MVP: variants seen among roughly 807,000 people sequenced by gnomAD.
The protein encoded by MVP is lung resistance-related protein.
In MVP, 62 loss-of-function variants were observed where a neutral mutation model predicts 83.5. That is an observed-to-expected ratio of 0.74 (90% CI 0.61 to 0.92). The LOEUF (loss-of-function observed/expected upper bound fraction) is 0.92, where lower values mean the gene tolerates loss of function less well. MVP is among the 40% of genes least tolerant of loss of function. The pLI, the probability that MVP is intolerant of heterozygous loss-of-function variation, is 0.00. For synonymous variants in MVP, 505 were observed against 504.1 expected (o/e 1.00, Z -0.02); for missense variants, 1,000 against 1,203.4 (o/e 0.83, Z 2.50).
chr16:29,834,008 T>A lies in MVP; in HGVS notation c.519T>A (p.Ala173=). The A allele has an allele frequency of 6.2e-7, 1 of 1,614,026 alleles. No homozygotes were observed. The highest frequency in any genetic ancestry group is 1.3e-5 in the African/African-American group (1 of 75,010). The change falls in exon 5 of 15, where the codon GCT becomes GCA. Residue 173 remains alanine, a synonymous_variant. Transcript: ENST00000357402. ...IQATIIRQNQ[A]LRLRARKECW... ...CCACCATCATCAGGCAGAACCAGGC[T>A]CTGCGGCTCAGGGCCCGCAAGGAGT...
chr16:29,827,005 C>A (rs1264664111), intron 1 of MVP, among the ~76,000 whole-genome samples: 1 of 151,776 alleles, frequency 6.6e-6, no homozygotes, highest in Non-Finnish European at 1.5e-5. Flanking sequence ...AGAACAGAGC[C>A]CCGTATTGTG....
intron 1 of MVP, among the ~76,000 whole-genome samples, chr16:29,824,314 G>A (rs1395319135): frequency 6.7e-6 from 1 of 150,100 alleles, no homozygotes; most frequent in East Asian, 2.0e-4. Context: ...AGACTGTAAT[G>A]TGCATGCAAG....
intron 1 of MVP, among the ~76,000 whole-genome samples, chr16:29,824,237 A>C (rs898643830): frequency 2.7e-5 from 4 of 149,638 alleles, no homozygotes; most frequent in African/African-American, 7.6e-5. Flanking sequence ...AAAAAAAAAA[A>C]AAAACAGATT....
chr16:29,844,874 G>A lies in MVP; in HGVS notation c.2016G>A (p.Ala672=), dbSNP rs200362465. Residue 672 remains alanine, a synonymous_variant, in exon 11 of 15, where the codon GCG becomes GCA. Coordinates refer to ENST00000357402, the MANE Select transcript of MVP (RefSeq NM_005115.5). The part of the protein sequence containing the change: ...IEITTNSQEA[A]AKHEAQRLEQ... ...TCACCACCAACTCCCAGGAAGCGGC[G>A]GCCAAGTAAGTGAGGCTGGGAGCTC... 7.4e-4 allele frequency: 1,175 copies of A among 1,598,370 alleles called. No homozygotes were observed. Among genetic ancestry groups the A allele is most frequent in the Admixed American group, 1.2e-3 (70 of 59,780 alleles).
intron 1 of MVP, among the ~76,000 whole-genome samples, chr16:29,824,283 T>G (rs1211192165): frequency 6.7e-6 from 1 of 148,182 alleles, no homozygotes; most frequent in Non-Finnish European, 1.5e-5. Context: ...GCCGAGAGTC[T>G]GCTTTAGACC....
intron 3 of MVP, 75 bp from the exon 4 acceptor site, chr16:29,833,658 C>T (rs970519085): frequency 2.3e-5 from 37 of 1,592,280 alleles, no homozygotes; most frequent in African/African-American, 5.4e-5. Context: ...GTTGTGGACC[C>T]GCCTCCAGAG....
Position 29,835,736 on chromosome 16 carries a change from T to A in MVP, c.610T>A (p.Tyr204Asn). The change falls in exon 6 of 15, where the codon TAC becomes AAC. Residue 204 changes from tyrosine (Y) to asparagine (N), a missense_variant. Physicochemically the swap from Tyr to Asn is moderately radical, Grantham distance 143. Transcript: ENST00000357402. Reference sequence around the variant, plus strand: ...ATGGCTGGTCACCACAGTAGGGGCGTACCTCCCAGCGGTGTTTGAGGAGGT... The same window carrying A: ...ATGGCTGGTCACCACAGTAGGGGCGAACCTCCCAGCGGTGTTTGAGGAGGT... The part of the protein sequence containing the change: ...EEWLVTTVGA[Y>N]LPAVFEEVLD... 1 of 1,613,866 alleles carries A rather than the reference T, an allele frequency of 6.2e-7. No homozygotes were observed. Among genetic ancestry groups the A allele is most frequent in the Non-Finnish European group, 8.5e-7 (1 of 1,179,958 alleles).
intron 11 of MVP, among the ~76,000 whole-genome samples, chr16:29,845,460 T>C (rs1032048601): frequency 6.6e-6 from 1 of 151,948 alleles, no homozygotes; most frequent in African/African-American, 2.4e-5. Flanking sequence ...CCAGAAAGCT[T>C]CCCCCCGCCC....
intron 1 of MVP, chr16:29,821,521 T>TA (rs1427062037): frequency 6.6e-6 from 1 of 152,430 alleles, no homozygotes; most frequent in African/African-American, 2.4e-5. Context: ...TGGCCCAACT[T>TA]ACAGGAAACA....
In MVP at chr16:29,827,166, TAGA is replaced by T. The variant is rs558652168; in HGVS notation, c.-35-3348_-35-3346del. ...ACCGCAGAAGAGGGAGCTCTGATGT[TAGA>T]CAAGCCACCCTCCTACAAGCGAAGG... On this transcript the variant is annotated intron_variant, in intron 1 of 14. Transcript: ENST00000357402. Among the ~76,000 whole-genome samples the T allele has an allele frequency of 1.5e-3, 233 of 152,144 alleles. 1 individual carries two copies. The highest frequency in any genetic ancestry group is 5.5e-3 in the African/African-American group (230 of 41,496).
intron 8 of MVP, among the ~76,000 whole-genome samples, chr16:29,840,811 G>T (rs1044908303): frequency 6.6e-6 from 1 of 152,054 alleles, no homozygotes; most frequent in Admixed American, 6.6e-5. Context: ...CGTGGTGGTG[G>T]TCTGAGTAGT....
In MVP at chr16:29,841,993, C is replaced by G. The variant is rs2067539590; in HGVS notation, c.1515C>G (p.Pro505=). 6.2e-7 allele frequency: 1 copy of G among 1,612,306 alleles called. No individual in the cohort carries two copies. The highest frequency in any genetic ancestry group is 8.5e-7 in the Non-Finnish European group (1 of 1,180,038). ...TGTTGTCCCTCTCAGCTGGGCGGCCCAAGCGTCCCCATGCCCGCCGTGCGC... is the reference window on the plus strand; with the variant it reads ...TGTTGTCCCTCTCAGCTGGGCGGCCGAAGCGTCCCCATGCCCGCCGTGCGC... The part of the protein sequence containing the change: ...FTVLSLSAGR[P]KRPHARRALC... Residue 505 remains proline, a synonymous_variant, in exon 10 of 15, where the codon CCC becomes CCG. Transcript: ENST00000357402. This position sits in a 1 kb window ranked among gnomAD's most constrained non-coding sequence, Gnocchi z 4.7.
chr16:29,840,164 C>A lies in MVP; in HGVS notation c.910-14C>A. The A allele has an allele frequency of 1.3e-6, 2 of 1,592,330 alleles. No homozygotes were observed. The highest frequency in any genetic ancestry group is 1.7e-5 in the Admixed American group (1 of 58,070). Reference sequence around the variant, plus strand: ...CCTAAAGGCACTGACCCTAACCTCACGTCTCCCCACTAGGGAGAGAAGTCT... The same window carrying A: ...CCTAAAGGCACTGACCCTAACCTCAAGTCTCCCCACTAGGGAGAGAAGTCT... On this transcript the variant is annotated splice_polypyrimidine_tract_variant and intron_variant, in intron 7 of 14. Transcript: ENST00000357402.
At chr16:29,838,445 A>T (rs556773638) in intron 7 of MVP, among the ~76,000 whole-genome samples, 3 of 152,220 alleles carry the variant, frequency 2.0e-5, no homozygotes, top group Admixed American at 1.3e-4. Flanking sequence ...AAAAAAAAAA[A>T]AAATTAGAAA....
At chr16:29,830,412 G>C (rs1294217043) in intron 1 of MVP, 103 bp from the exon 2 acceptor site, 5 of 966,106 alleles carry the variant, frequency 5.2e-6, no homozygotes, top group Non-Finnish European at 7.8e-6. Flanking sequence ...GGCCTGGCTG[G>C]AGGAGGTAGG....
chr16:29,831,196 G>T, intron 3 of MVP, 123 bp downstream of exon 3: 2 of 995,284 alleles, frequency 2.0e-6, no homozygotes, highest in Non-Finnish European at 2.9e-6. Flanking sequence ...CACTCTTGTC[G>T]CCCAGGCTGG....
Position 29,841,832 on chromosome 16 carries a change from G to A in MVP, c.1428G>A (p.Lys476=), listed in dbSNP as rs561839217. The stretch of plus-strand genomic sequence containing the variant: ...TGCAGGTGTACGACTACCGAGAGAA[G>A]CGAGCCCGGTGAGTGCTGGCAGCGC... ...AAVQVYDYRE[K]RARVVFGPEL... Residue 476 remains lysine (K), a synonymous_variant, in exon 9 of 15, where the codon AAG becomes AAA. Coordinates refer to ENST00000357402, the MANE Select transcript of MVP (RefSeq NM_005115.5). The surrounding 1 kb of genome is among the most constrained non-coding windows in gnomAD (Gnocchi z 4.7). The A allele has an allele frequency of 1.6e-5, 25 of 1,609,502 alleles. No individual in the cohort carries two copies. Among genetic ancestry groups the A allele is most frequent in the Non-Finnish European group, 1.7e-6 (2 of 1,179,908 alleles).
At position 29,847,910 on chromosome 16, in the gene MVP, C is replaced by G. The variant is rs569962502; in HGVS notation, c.2603C>G (p.Pro868Arg). ...AGAAGGGTGGCCAGTGGGCCCAGCCCTGGGGAGGGGATATCCCCCCAGTCT... is the reference window on the plus strand; with the variant it reads ...AGAAGGGTGGCCAGTGGGCCCAGCCGTGGGGAGGGGATATCCCCCCAGTCT... ...LGRRVASGPSPGEGISPQSAQ... is the reference protein window; with the variant it reads ...LGRRVASGPSRGEGISPQSAQ... The change falls in exon 15 of 15, where the codon CCT becomes CGT. Residue 868 changes from proline to arginine, a missense_variant. Pro to Arg is a moderately radical substitution (Grantham distance 103). Transcript: ENST00000357402. The G allele has an allele frequency of 9.3e-6, 15 of 1,613,928 alleles. No individual in the cohort carries two copies. In the South Asian group the frequency reaches 1.3e-4, roughly 14 times the overall value.
chr16:29,825,837 G>A (rs1308378258), intron 1 of MVP: 2 of 152,296 alleles, frequency 1.3e-5, no homozygotes, highest in South Asian at 2.1e-4. Flanking sequence ...AACCTTGCAC[G>A]GCCTTCTAGA....
Sources: gnomAD v4.1 joint callset for allele counts (sites outside exome capture counted in the v4.1 genomes callset) on GRCh38, gnomAD v4.1.1 for gene constraint, Gnocchi (gnomAD v3.1) non-coding constraint, MANE v1.5 for transcripts, NCBI Gene and HGNC (gene_info 2026-07-23, HGNC 2026-07-21) for gene names.